PLEKHG5: variants seen among roughly 807,000 people sequenced by gnomAD.
PLEKHG5 encodes pleckstrin homology domain-containing family G member 5.
Under a neutral mutation model 103.8 loss-of-function variants are expected in PLEKHG5, and 52 were observed. That is an observed-to-expected ratio of 0.50 (90% CI 0.40 to 0.63). PLEKHG5 has a LOEUF of 0.63. PLEKHG5 is among the 30% of genes least tolerant of loss of function. The pLI is 0.00. For missense variants in PLEKHG5, 1,205 were observed against 1,347.6 expected (o/e 0.89, Z 1.66); for synonymous variants, 592 against 575.5 (o/e 1.03, Z -0.41).
chr1:6,484,020 G>T (rs1167645749), intron 1 of PLEKHG5, among the ~76,000 whole-genome samples: 1 of 152,232 alleles, frequency 6.6e-6, no homozygotes, highest in Non-Finnish European at 1.5e-5. Context: ...TCTCACCGCA[G>T]GTAGGGGGTG....
At position 6,475,077 on chromosome 1, in the gene PLEKHG5, A is replaced by C; in HGVS notation, c.272T>G (p.Ile91Ser). ...TGACTTCTTCTTCATGGCTGGGACG[A>C]TCTCTGTCTCAATGTCCACATTCAG... Reference protein sequence around the residue: ...FDLNVDIETEIVPAMKKKSLG... With the variant: ...FDLNVDIETESVPAMKKKSLG... Residue 91 changes from isoleucine (I) to serine (S), a missense_variant, in exon 5 of 21, where the codon ATC (isoleucine) becomes AGC (serine). Ile to Ser is a moderately radical substitution (Grantham distance 142). Coordinates refer to ENST00000377728, the MANE Select transcript of PLEKHG5 (RefSeq NM_020631.6). The C allele has an allele frequency of 6.2e-7, 1 of 1,611,192 alleles. No individual in the cohort carries two copies. The highest frequency in any genetic ancestry group is 8.5e-7 in the Non-Finnish European group (1 of 1,177,406).
chr1:6,476,755 G>A (rs901333270), intron 2 of PLEKHG5, among the ~76,000 whole-genome samples: 1 of 152,078 alleles, frequency 6.6e-6, no homozygotes, highest in Admixed American at 6.5e-5. Flanking sequence ...AGAGTCTTTT[G>A]TTTGTTTATT....
rs373793845 is a variant in PLEKHG5 at position 6,469,091 on chromosome 1, A to G, written c.2200T>C (p.Ser734Pro). The G allele has an allele frequency of 6.2e-7, 1 of 1,612,974 alleles. No homozygotes were observed. The highest frequency in any genetic ancestry group is 8.5e-7 in the Non-Finnish European group (1 of 1,179,946). ...CTGCTTTTCCGCATGATGGTAGGGG[A>G]GCTGGCAGCTGAAGTGCCACTGTCC... ...GEDSGTSAAS[S>P]PTIMRKSSGS... is the part of the protein sequence containing the mutation. Residue 734 changes from serine (S) to proline (P), a missense_variant, in exon 19 of 21, where the codon TCC becomes CCC. Coordinates refer to ENST00000377728, the MANE Select transcript of PLEKHG5 (RefSeq NM_020631.6).
chr1:6,499,452 T>C (rs1279344357), upstream of PLEKHG5, among the ~76,000 whole-genome samples: 2 of 152,180 alleles, frequency 1.3e-5, no homozygotes, highest in African/African-American at 2.4e-5. Flanking sequence ...GACCCTACAC[T>C]CCTGATCCCC....
intron 1 of PLEKHG5, among the ~76,000 whole-genome samples, chr1:6,519,149 G>A (rs927618165): frequency 6.6e-6 from 1 of 152,152 alleles, no homozygotes; most frequent in Non-Finnish European, 1.5e-5. Context: ...GCAACCCTTC[G>A]GCATATGGAG....
chr1:6,470,889 G>C lies in PLEKHG5; in HGVS notation c.1393-5C>G. On this transcript the variant is annotated splice_polypyrimidine_tract_variant and splice_region_variant and intron_variant, in intron 13 of 20. Transcript: ENST00000377728. ...CTGTGGGTGCTTCTCCGCCCACTGC[G>C]GTGGGGGAGTGGGGGCGGGCTCAGG... 2.1e-6 allele frequency: 3 copies of C among 1,439,306 alleles called. No individual in the cohort carries two copies. The highest frequency in any genetic ancestry group is 2.7e-6 in the Non-Finnish European group (3 of 1,101,316). 89.2% of individuals were successfully genotyped at this position (1,439,306 alleles called of 1,614,324 possible). A position where few individuals can be genotyped will look rare whatever the true frequency, so the allele number is the denominator to read the frequency against.
intron 1 of PLEKHG5, among the ~76,000 whole-genome samples, chr1:6,516,598 A>C (rs1469935957): frequency 6.6e-6 from 1 of 151,520 alleles, no homozygotes; most frequent in African/African-American, 2.4e-5. Flanking sequence ...TGGGGGTTGC[A>C]GTGAGCCGAG....
Position 6,490,449 on chromosome 1 carries a change from G to C in PLEKHG5, c.-88+1188C>G, listed in dbSNP as rs889919137. On this transcript the variant is annotated intron_variant, in intron 1 of 20. Coordinates refer to ENST00000377728, the MANE Select transcript of PLEKHG5 (RefSeq NM_020631.6). The surrounding 1 kb of genome is among the most constrained non-coding windows in gnomAD (Gnocchi z 8.0). ...TCCCACTTCCCCGCGACTCACCTAG[G>C]AACAGGACCAGGGTCTCCTCCCCGG... 2.0e-6 allele frequency: 2 copies of C among 984,084 alleles called. No individual in the cohort carries two copies. Among genetic ancestry groups the C allele is most frequent in the Non-Finnish European group, 2.4e-6 (2 of 829,950 alleles). The allele number at this position is 984,084 out of a possible 1,614,324, so 61.0% of individuals were successfully genotyped here. A position where few individuals can be genotyped will look rare whatever the true frequency, so the allele number is the denominator to read the frequency against.
In PLEKHG5 at chr1:6,467,456, G is replaced by A. The variant is rs935523441; in HGVS notation, c.*107C>T. On this transcript the variant is annotated 3_prime_UTR_variant, in exon 21 of 21. Transcript: ENST00000377728. ...TAGGCAGGGATCCTGCCCAGCATCC[G>A]GCTCATGCATACAGGAGGCAGTAGC... is the stretch of plus-strand genomic sequence containing the variant. 20 of 1,111,806 alleles carry A rather than the reference G, an allele frequency of 1.8e-5. No homozygotes were observed. Among genetic ancestry groups the A allele is most frequent in the Admixed American group, 6.7e-5 (4 of 59,382 alleles). 68.9% of individuals were successfully genotyped at this position (1,111,806 alleles called of 1,614,324 possible).
chr1:6,485,942 C>T, intron 1 of PLEKHG5: 1 of 983,544 alleles, frequency 1.0e-6, no homozygotes, highest in Non-Finnish European at 1.2e-6. Context: ...TCCTGGGGAG[C>T]TCCTTGAATG....
intron 1 of PLEKHG5, chr1:6,485,347 G>T: frequency 7.0e-7 from 1 of 1,427,782 alleles, no homozygotes; most frequent in Admixed American, 3.0e-5. Flanking sequence ...TCGCGGGCAC[G>T]ACCCCCGGCC....
chr1:6,477,592 C>T lies in PLEKHG5; in HGVS notation c.-21G>A, dbSNP rs759119104. On this transcript the variant is annotated 5_prime_UTR_variant, in exon 2 of 21. An upstream open reading frame in the 5' UTR loses its in-frame stop. Coordinates refer to ENST00000377728, the MANE Select transcript of PLEKHG5 (RefSeq NM_020631.6). Reference sequence around the variant, plus strand: ...TGCATGGTGCTGTGGAACTTGCTGTCACAGGCCTCGCAGAGGTTGAGGGGC... The same window carrying T: ...TGCATGGTGCTGTGGAACTTGCTGTTACAGGCCTCGCAGAGGTTGAGGGGC... The T allele has an allele frequency of 3.9e-5, 63 of 1,611,944 alleles. No individual in the cohort carries two copies. In the South Asian group the frequency reaches 6.5e-4, roughly 17 times the overall value.
intron 1 of PLEKHG5, among the ~76,000 whole-genome samples, chr1:6,484,928 A>G (rs1205678347): frequency 6.6e-6 from 1 of 152,186 alleles, no homozygotes; most frequent in Non-Finnish European, 1.5e-5. Context: ...CCACCCTCAC[A>G]CAAGGGCTGG....
intron 1 of PLEKHG5, among the ~76,000 whole-genome samples, chr1:6,480,895 C>G (rs1430448054): frequency 6.6e-6 from 1 of 152,098 alleles, no homozygotes; most frequent in East Asian, 1.9e-4. Flanking sequence ...CCCGCCTCAG[C>G]CTCCCAAAGT....
chr1:6,484,663 G>C (rs1411230713), intron 1 of PLEKHG5, among the ~76,000 whole-genome samples: 1 of 152,078 alleles, frequency 6.6e-6, no homozygotes, highest in African/African-American at 2.4e-5. Flanking sequence ...CTTGAAGCCA[G>C]ACTCCAGCCC....
In PLEKHG5 at chr1:6,471,906, C is replaced by T. The variant is rs75682285; in HGVS notation, c.1081-98G>A. ...CTCCCCTGCCACTCCTTCCCCTTCC[C>T]CGTTCCAGGAGGCCCCACAGCAGCC... On this transcript the variant is annotated intron_variant, in intron 10 of 20. Coordinates refer to ENST00000377728, the MANE Select transcript of PLEKHG5 (RefSeq NM_020631.6). 0.045 allele frequency: 56,659 copies of T among 1,259,190 alleles called. 1,415 individuals are homozygous for T. Among genetic ancestry groups the T allele is most frequent in the African/African-American group, 0.055 (3,717 of 67,506 alleles). The allele number at this position is 1,259,190 out of a possible 1,614,324, so 78.0% of individuals were successfully genotyped here.
In PLEKHG5 at chr1:6,468,034, G is replaced by C. The variant is rs886042289; in HGVS notation, c.2802C>G (p.Ser934Arg). 6.4e-7 allele frequency: 1 copy of C among 1,556,646 alleles called. No individual in the cohort carries two copies. Among genetic ancestry groups the C allele is most frequent in the Non-Finnish European group, 8.7e-7 (1 of 1,153,028 alleles). ...CGACTAGCCCAGGACCGCTGCCAGG[G>C]CTAGGGGCCCCTCGGCAATCCCAGC... The part of the protein sequence containing the change: ...GPSWDCRGAP[S>R]PGSGPGLVGC... Residue 934 changes from serine to arginine, a missense_variant, in exon 20 of 21, where the codon AGC becomes AGG. Transcript: ENST00000377728.
In PLEKHG5 at chr1:6,471,498, C is replaced by G. The variant is rs1209779631; in HGVS notation, c.1271G>C (p.Gly424Ala). 1 of 1,610,676 alleles carries G rather than the reference C, an allele frequency of 6.2e-7. No homozygotes were observed. The highest frequency in any genetic ancestry group is 8.5e-7 in the Non-Finnish European group (1 of 1,179,122). ...CGGCCCCGCCCGTACCATCTTGAAG[C>G]CTTTGAGGAAGTCCCCGGGCTGTAG... is the stretch of plus-strand genomic sequence containing the variant. ...ALLQPGDFLK[G>A]FKMFGSLFKP... The change falls in exon 12 of 21, where the codon GGC (glycine) becomes GCC (alanine). Residue 424 changes from glycine to alanine, a missense_variant. Transcript: ENST00000377728.
At chr1:6,470,938 C>T (rs901371246) in intron 13 of PLEKHG5, 52 bp downstream of exon 13, 3 of 1,550,256 alleles carry the variant, frequency 1.9e-6, no homozygotes, top group East Asian at 2.4e-5. Flanking sequence ...CACCCGGCCC[C>T]GTCCAGGGTC....
Sources: allele counts gnomAD v4.1 joint callset (sites outside exome capture counted in the v4.1 genomes callset), GRCh38; gene constraint gnomAD v4.1.1; non-coding constraint Gnocchi (gnomAD v3.1); transcripts MANE v1.5; gene names NCBI Gene and HGNC (gene_info 2026-07-23, HGNC 2026-07-21).